Variants in TRABD2B observed in about 807,000 individuals in gnomAD.
TRABD2B encodes metalloprotease TIKI2.
In TRABD2B, 14 loss-of-function variants were observed where a neutral mutation model predicts 40.1. That is an observed-to-expected ratio of 0.35 (90% confidence interval 0.23 to 0.55). TRABD2B has a LOEUF of 0.55. TRABD2B is among the 20% of genes least tolerant of loss of function. The probability of loss-of-function intolerance (pLI) is 0.90; values close to 1 mark genes in which losing one functional copy is unlikely to be tolerated. For missense variants in TRABD2B, 541 were observed against 648.6 expected (o/e 0.83, Z 1.80); for synonymous variants, 263 against 277.0 (o/e 0.95, Z 0.50).
chr1:47,934,961 G>A (rs1292394486), intron 2 of TRABD2B, among the ~76,000 whole-genome samples: 2 of 152,126 alleles, frequency 1.3e-5, no homozygotes, highest in South Asian at 2.1e-4. Flanking sequence ...AGGGGCCTCC[G>A]AAAAACACTG....
At chr1:47,841,791 T>TC (rs1001168396) in intron 2 of TRABD2B, among the ~76,000 whole-genome samples, 13 of 150,398 alleles carry the variant, frequency 8.6e-5, no homozygotes, top group Non-Finnish European at 5.9e-5. Context: ...TTTTTCTTTT[T>TC]TTTTTTTTTT....
At chr1:47,947,594 A>G (rs1393795611) in intron 2 of TRABD2B, among the ~76,000 whole-genome samples, 7 of 152,092 alleles carry the variant, frequency 4.6e-5, no homozygotes, top group Non-Finnish European at 8.8e-5. Context: ...ACCAGAAGAC[A>G]TGGTTGGAGG....
chr1:47,849,573 G>T lies in TRABD2B; in HGVS notation c.667-47954C>A, dbSNP rs9783033. Among the ~76,000 whole-genome samples the T allele has an allele frequency of 1.8e-3, 277 of 152,328 alleles. 2 individuals are homozygous for T. The highest frequency in any genetic ancestry group is 6.2e-3 in the African/African-American group (257 of 41,562). ...TGCTGAATTCTTCCCTACTGTGAGT[G>T]GGCACCTCTCAAAGCCCCAGCTAGC... On this transcript the variant is annotated intron_variant, in intron 2 of 6. Coordinates refer to ENST00000606738, the MANE Select transcript of TRABD2B (RefSeq NM_001194986.2).
intron 2 of TRABD2B, among the ~76,000 whole-genome samples, chr1:47,983,603 C>T (rs1464225575): frequency 2.0e-5 from 3 of 152,244 alleles, no homozygotes; most frequent in Middle Eastern, 3.4e-3. Flanking sequence ...CCAGCTGCAA[C>T]TCGGCCCCAA....
intron 2 of TRABD2B, among the ~76,000 whole-genome samples, chr1:47,935,876 A>G (rs554802434): frequency 1.3e-5 from 2 of 152,382 alleles, no homozygotes; most frequent in South Asian, 4.1e-4. Flanking sequence ...ACAGAAAAAA[A>G]GAGCTTCAAC....
At chr1:47,987,009 A>C (rs1311226766) in intron 2 of TRABD2B, among the ~76,000 whole-genome samples, 1 of 152,200 alleles carries the variant, frequency 6.6e-6, no homozygotes, top group African/African-American at 2.4e-5. Flanking sequence ...CCCGGCTGGC[A>C]GGCTGTGGCG....
intron 2 of TRABD2B, among the ~76,000 whole-genome samples, chr1:47,875,624 T>C (rs530612502): frequency 4.5e-5 from 6 of 134,332 alleles, no homozygotes; most frequent in African/African-American, 5.7e-5. Flanking sequence ...GAGATGGAGG[T>C]TGCAGTGAAC....
rs552544942 is a variant in TRABD2B at position 47,766,871 on chromosome 1, A to G, written c.1350-765T>C. Reference sequence around the variant, plus strand: ...AAAACAGAATCTAGTTTTGGAAATAACAGGTGAGATTCTTGGCTCAAGAAA... The same window carrying G: ...AAAACAGAATCTAGTTTTGGAAATAGCAGGTGAGATTCTTGGCTCAAGAAA... On this transcript the variant is annotated intron_variant, in intron 6 of 6. Transcript: ENST00000606738. 5.9e-5 allele frequency among the ~76,000 whole-genome samples: 9 copies of G among 152,350 alleles called. No homozygotes were observed. The South Asian group carries it at 1.9e-3, about 32-fold the overall frequency.
chr1:47,990,054 T>C (rs1237768018), intron 2 of TRABD2B, among the ~76,000 whole-genome samples: 1 of 152,208 alleles, frequency 6.6e-6, no homozygotes, highest in Non-Finnish European at 1.5e-5. Flanking sequence ...GAGACAAAAC[T>C]CAATAAATGG....
intron 2 of TRABD2B, among the ~76,000 whole-genome samples, chr1:47,933,673 G>C (rs568390064): frequency 3.9e-5 from 6 of 152,234 alleles, no homozygotes; most frequent in African/African-American, 1.4e-4. Flanking sequence ...CTAAACTCTT[G>C]CACACACTGC....
chr1:47,938,956 A>T (rs1377289034), intron 2 of TRABD2B, among the ~76,000 whole-genome samples: 1 of 151,954 alleles, frequency 6.6e-6, no homozygotes, highest in Admixed American at 6.6e-5. Context: ...AGAGACAGAG[A>T]CAGAGAGGGG....
At chr1:47,891,838 A>G (rs1010238422) in intron 2 of TRABD2B, among the ~76,000 whole-genome samples, 1 of 152,034 alleles carries the variant, frequency 6.6e-6, no homozygotes, top group Non-Finnish European at 1.5e-5. Flanking sequence ...CAACAACAAG[A>G]AAAAACAAAA....
chr1:47,866,714 T>C (rs950732038), intron 2 of TRABD2B, among the ~76,000 whole-genome samples: 1 of 152,192 alleles, frequency 6.6e-6, no homozygotes, highest in Admixed American at 6.5e-5. Context: ...CCTCCTATGA[T>C]GTATAACTTG....
At chr1:47,786,812 A>G (rs1426038506) in intron 4 of TRABD2B, among the ~76,000 whole-genome samples, 1 of 151,934 alleles carries the variant, frequency 6.6e-6, no homozygotes, top group Non-Finnish European at 1.5e-5. Flanking sequence ...CAACCCTTCC[A>G]CCTTAGCCTC....
At chr1:47,858,250 TTTATTTTATTTTATTTTA>T (rs1483933424) in intron 2 of TRABD2B, among the ~76,000 whole-genome samples, 3 of 146,866 alleles carry the variant, frequency 2.0e-5, no homozygotes, top group Non-Finnish European at 4.5e-5. Flanking sequence ...TTTATTTTAT[TTTATTTTATTTTATTTTA>T]TTTTTTTGAG....
chr1:47,795,118 C>T (rs987092666), intron 3 of TRABD2B, among the ~76,000 whole-genome samples: 29 of 152,214 alleles, frequency 1.9e-4, no homozygotes, highest in Admixed American at 3.9e-4. Context: ...TAAGTATGCA[C>T]AGCCCCAGTG....
rs201319683 is a variant in TRABD2B, at chr1:47,951,663, ATGGGGGCC to A, written c.666+42363_666+42370del. On this transcript the variant is annotated intron_variant, in intron 2 of 6. Transcript: ENST00000606738. ...AGAGGGTGGGGCAGCAGAGGAAAAG[ATGGGGGCC>A]TGGCTGCAGGGAAGCAGGCTGAGCA... Among the ~76,000 whole-genome samples, 1,269 of 152,214 alleles carry A rather than the reference ATGGGGGCC, an allele frequency of 8.3e-3. 15 individuals carry two copies. Among genetic ancestry groups the A allele is most frequent in the Middle Eastern group, 0.034 (10 of 294 alleles).
intron 4 of TRABD2B, among the ~76,000 whole-genome samples, chr1:47,789,553 C>T (rs949325348): frequency 6.6e-6 from 1 of 152,084 alleles, no homozygotes; most frequent in African/African-American, 2.4e-5. Context: ...TTCTTGTGGC[C>T]AATTTCTCTT....
chr1:47,897,609 T>G (rs4927198), intron 2 of TRABD2B, among the ~76,000 whole-genome samples: 2 of 152,006 alleles, frequency 1.3e-5, no homozygotes, highest in Non-Finnish European at 1.5e-5. Flanking sequence ...CCACCATATC[T>G]CAGATCCTGT....
Sources: gnomAD v4.1 joint callset for allele counts (sites outside exome capture counted in the v4.1 genomes callset) on GRCh38, gnomAD v4.1.1 for gene constraint, MANE v1.5 for transcripts, NCBI Gene and HGNC (gene_info 2026-07-23, HGNC 2026-07-21) for gene names.